CFDP1: variants seen among roughly 807,000 people sequenced by gnomAD.
CFDP1 encodes heterochromatin-stabilizing protein CFDP1.
In CFDP1, 31 loss-of-function variants were observed where a neutral mutation model predicts 40.1. That is an observed-to-expected ratio of 0.77 (90% CI 0.58 to 1.04). The LOEUF (loss-of-function observed/expected upper bound fraction) is 1.04. CFDP1 is among the 50% of genes least tolerant of loss of function. The pLI is 0.00. For missense variants in CFDP1, 423 were observed against 343.4 expected (o/e 1.23, Z -1.83); for synonymous variants, 167 against 120.0 (o/e 1.39, Z -2.56).
At chr16:75,351,775 AG>A (rs2078613049) in intron 5 of CFDP1, among the ~76,000 whole-genome samples, 1 of 152,128 alleles carries the variant, frequency 6.6e-6, no homozygotes, top group Non-Finnish European at 1.5e-5. Context: ...TGGGAGGCTG[AG>A]GGAGGTGGAT....
intron 5 of CFDP1, among the ~76,000 whole-genome samples, chr16:75,319,451 G>T (rs376941250): frequency 4.6e-5 from 7 of 152,148 alleles, no homozygotes; most frequent in Admixed American, 4.6e-4. Flanking sequence ...CTGGGGTTGG[G>T]GGGGAACGTG....
At chr16:75,388,559 T>G (rs966674210) in intron 5 of CFDP1, among the ~76,000 whole-genome samples, 4 of 152,168 alleles carry the variant, frequency 2.6e-5, no homozygotes, top group African/African-American at 9.7e-5. Context: ...AGTGTTACCA[T>G]AGATGAAGAG....
At position 75,414,633 on chromosome 16, in the gene CFDP1, C is replaced by A. The variant is rs1206276520; in HGVS notation, c.127G>T (p.Glu43Ter). ...TTCCCTTGGGTTTTCTGTGTCTGCT[C>A]TTCACCATCCACTTCATCTTCCTTC... ...LVKEDEVDGE[E>*]QTQKTQGKKR... The change falls in exon 2 of 7, where the codon GAG (glutamate) becomes TAG (stop). Residue 43 changes from glutamate (E) to a stop codon, truncating the protein, a stop_gained. Coordinates refer to ENST00000283882, the MANE Select transcript of CFDP1 (RefSeq NM_006324.3). LOFTEE classifies it high-confidence loss of function. The A allele has an allele frequency of 6.2e-7, 1 of 1,613,854 alleles. No homozygotes were observed. Among genetic ancestry groups the A allele is most frequent in the Non-Finnish European group, 8.5e-7 (1 of 1,179,898 alleles).
chr16:75,415,117 C>T (rs1013143508), intron 1 of CFDP1, among the ~76,000 whole-genome samples: 1 of 152,130 alleles, frequency 6.6e-6, no homozygotes, highest in African/African-American at 2.4e-5. Context: ...GGGTATCTTT[C>T]AAATCTAATT....
intron 5 of CFDP1, among the ~76,000 whole-genome samples, chr16:75,353,455 G>A (rs1013101422): frequency 6.6e-6 from 1 of 152,126 alleles, no homozygotes; most frequent in African/African-American, 2.4e-5. Flanking sequence ...TAGGAGTACA[G>A]GTGATATATA....
chr16:75,420,967 A>T (rs534982588), intron 1 of CFDP1, among the ~76,000 whole-genome samples: 1 of 152,232 alleles, frequency 6.6e-6, no homozygotes, highest in Non-Finnish European at 1.5e-5. Context: ...TGTTGTAGAC[A>T]GTTCAGACAA....
intron 5 of CFDP1, among the ~76,000 whole-genome samples, chr16:75,393,737 C>CAAAAAAA (rs61344775): frequency 5.0e-5 from 4 of 80,620 alleles, no homozygotes; most frequent in Non-Finnish European, 6.7e-5. Context: ...GACTCCGTCG[C>CAAAAAAA]AAAAAAAAAA....
chr16:75,338,050 A>C (rs549868549), intron 5 of CFDP1, among the ~76,000 whole-genome samples: 1 of 152,328 alleles, frequency 6.6e-6, no homozygotes, highest in South Asian at 2.1e-4. Flanking sequence ...ATACCCAATG[A>C]AACTGCTGCA....
chr16:75,355,042 C>A (rs6564252), intron 5 of CFDP1, among the ~76,000 whole-genome samples: 1 of 152,010 alleles, frequency 6.6e-6, no homozygotes, highest in East Asian at 1.9e-4. Context: ...CACCGCACTG[C>A]AGTCTATTAA....
At chr16:75,406,385 T>A (rs559818307) in intron 4 of CFDP1, among the ~76,000 whole-genome samples, 1 of 149,910 alleles carries the variant, frequency 6.7e-6, no homozygotes, top group Admixed American at 6.7e-5. Context: ...TCAAAAAAAT[T>A]AAATAAATAA....
chr16:75,429,900 TGCA>T (rs2079389672), intron 1 of CFDP1, among the ~76,000 whole-genome samples: 1 of 152,196 alleles, frequency 6.6e-6, no homozygotes, highest in African/African-American at 2.4e-5. Context: ...CAGCCCATGA[TGCA>T]GCCCTCAAGA....
intron 2 of CFDP1, among the ~76,000 whole-genome samples, chr16:75,413,470 C>A (rs553519363): frequency 2.0e-5 from 3 of 147,380 alleles, no homozygotes; most frequent in African/African-American, 7.6e-5. Flanking sequence ...AGGCAGGGAA[C>A]TGAACCCAGG....
chr16:75,347,279 G>C (rs2078573811), intron 5 of CFDP1, among the ~76,000 whole-genome samples: 1 of 139,854 alleles, frequency 7.2e-6, no homozygotes, highest in African/African-American at 2.6e-5. Flanking sequence ...AGGAGGCGGA[G>C]GTTACAGTGA....
chr16:75,328,167 G>C (rs2078417578), intron 5 of CFDP1, among the ~76,000 whole-genome samples: 1 of 131,050 alleles, frequency 7.6e-6, no homozygotes. Context: ...TTTTTTTTAA[G>C]AGACAGAGGT....
At chr16:75,410,022 G>T (rs1360932952) in intron 4 of CFDP1, among the ~76,000 whole-genome samples, 1 of 106,986 alleles carries the variant, frequency 9.3e-6, no homozygotes, top group Non-Finnish European at 1.7e-5. Flanking sequence ...AGGTGTTCAA[G>T]ACCAGCCTAG....
intron 5 of CFDP1, among the ~76,000 whole-genome samples, chr16:75,388,308 T>C (rs941720546): frequency 2.0e-5 from 3 of 152,242 alleles, no homozygotes; most frequent in South Asian, 2.1e-4. Context: ...ATAGACATTA[T>C]TTATTCTTTA....
Position 75,406,362 on chromosome 16 carries a change from G to C in CFDP1, c.530+5463C>G, listed in dbSNP as rs1016687882. On this transcript the variant is annotated intron_variant, in intron 4 of 6. Transcript: ENST00000283882. ...ACTACACTCCAGCCTGGGCAACAGAGTGAGACCCTGTCTCAAAAAAATTAA... is the reference window on the plus strand; with the variant it reads ...ACTACACTCCAGCCTGGGCAACAGACTGAGACCCTGTCTCAAAAAAATTAA... 2.6e-5 allele frequency among the ~76,000 whole-genome samples: 4 copies of C among 151,868 alleles called. No homozygotes were observed. The South Asian group carries it at 8.3e-4, about 32-fold the overall frequency.
intron 5 of CFDP1, among the ~76,000 whole-genome samples, chr16:75,370,588 T>C (rs2151539473): frequency 6.6e-6 from 1 of 152,146 alleles, no homozygotes; most frequent in East Asian, 1.9e-4. Context: ...TGTGGCAGGG[T>C]GCAGTAGCTG....
At chr16:75,430,435 T>C (rs927545707) in intron 1 of CFDP1, among the ~76,000 whole-genome samples, 3 of 151,356 alleles carry the variant, frequency 2.0e-5, no homozygotes, top group Middle Eastern at 3.4e-3. Context: ...CCTCCCAAAG[T>C]GCTGGGATTA....
Sources: gnomAD v4.1 joint callset for allele counts (sites outside exome capture counted in the v4.1 genomes callset) on GRCh38, gnomAD v4.1.1 for gene constraint, MANE v1.5 for transcripts, NCBI Gene and HGNC (gene_info 2026-07-23, HGNC 2026-07-21) for gene names.